CBX5: variants seen among roughly 807,000 people sequenced by gnomAD.
CBX5 encodes the protein chromobox 5.
In CBX5, 7 loss-of-function variants were observed where a neutral mutation model predicts 20.7. That is an observed-to-expected ratio of 0.34 (90% CI 0.19 to 0.63). The LOEUF is 0.63. CBX5 is among the 30% of genes least tolerant of loss of function. The pLI is 0.75. For synonymous variants in CBX5, 78 were observed against 77.0 expected (o/e 1.01, Z -0.07); for missense variants, 110 against 224.1 (o/e 0.49, Z 3.25).
intron 1 of CBX5, chr12:54,276,585 C>T (rs1944070375): frequency 6.6e-6 from 1 of 152,160 alleles, no homozygotes; most frequent in Non-Finnish European, 1.5e-5. Context: ...GTGGCTGGGG[C>T]TGGAGATGGA....
rs993610409 is a variant in CBX5 at position 54,246,264 on chromosome 12, A to C, written c.325-49T>G. On this transcript the variant is annotated intron_variant, in intron 3 of 4. Coordinates refer to ENST00000209875, the MANE Select transcript of CBX5 (RefSeq NM_012117.3). Reference sequence around the variant, plus strand: ...GTTACAGCTTGTGGAAAGAGTAAAGAAACTCCCTGCTTCTAGGCTCAACAA... The same window carrying C: ...GTTACAGCTTGTGGAAAGAGTAAAGCAACTCCCTGCTTCTAGGCTCAACAA... The C allele has an allele frequency of 1.2e-5, 16 of 1,343,104 alleles. No individual in the cohort carries two copies. In the African/African-American group the frequency reaches 2.3e-4, roughly 19 times the overall value. The allele number at this position is 1,343,104 out of a possible 1,614,324, so 83.2% of individuals were successfully genotyped here. A position where few individuals can be genotyped will look rare whatever the true frequency, so the allele number is the denominator to read the frequency against.
chr12:54,276,501 A>G (rs1944069597), intron 1 of CBX5: 1 of 152,266 alleles, frequency 6.6e-6, no homozygotes, highest in East Asian at 1.9e-4. Flanking sequence ...ACTGAATGCA[A>G]ATTGCTTTCC....
At position 54,239,286 on chromosome 12, in the gene CBX5, A is replaced by G. The variant is rs1030587846; in HGVS notation, c.*2469T>C. Reference sequence around the variant, plus strand: ...CTTAAATATTACCTATAACCACAGCAGCCACATGCCCCAGGTTTCTCAGAA... The same window carrying G: ...CTTAAATATTACCTATAACCACAGCGGCCACATGCCCCAGGTTTCTCAGAA... On this transcript the variant is annotated 3_prime_UTR_variant, in exon 5 of 5. Coordinates refer to ENST00000209875, the MANE Select transcript of CBX5 (RefSeq NM_012117.3). 1.3e-5 allele frequency: 2 copies of G among 152,246 alleles called. No homozygotes were observed. The highest frequency in any genetic ancestry group is 2.9e-5 in the Non-Finnish European group (2 of 68,044). 9.4% of individuals were successfully genotyped at this position (152,246 alleles called of 1,614,324 possible).
rs1253954706 is a variant in CBX5, at chr12:54,239,362, T to G, written c.*2393A>C. The stretch of plus-strand genomic sequence containing the variant: ...TGTTCTTTGTCCACATACTAGGTTT[T>G]TGGTTTTAAAAATAAGGTCGCTGCA... On this transcript the variant is annotated 3_prime_UTR_variant, in exon 5 of 5. Coordinates refer to ENST00000209875, the MANE Select transcript of CBX5 (RefSeq NM_012117.3). The G allele has an allele frequency of 6.6e-6, 1 of 152,186 alleles. No homozygotes were observed. Among genetic ancestry groups the G allele is most frequent in the Non-Finnish European group, 1.5e-5 (1 of 68,038 alleles). 9.4% of individuals were successfully genotyped at this position (152,186 alleles called of 1,614,324 possible).
At chr12:54,279,399 A>C (rs1206216959) in intron 1 of CBX5, among the ~76,000 whole-genome samples, 4 of 152,174 alleles carry the variant, frequency 2.6e-5, no homozygotes, top group Admixed American at 2.6e-4. Context: ...TTACGCTTTC[A>C]AGGAGGTGTA....
chr12:54,242,848 G>A (rs1943692457), intron 4 of CBX5, among the ~76,000 whole-genome samples: 1 of 152,156 alleles, frequency 6.6e-6, no homozygotes, highest in Non-Finnish European at 1.5e-5. Context: ...GAGAAGCTCA[G>A]GTGCAGCAGC....
At chr12:54,248,499 C>G (rs537165979) in intron 3 of CBX5, among the ~76,000 whole-genome samples, 18 of 152,094 alleles carry the variant, frequency 1.2e-4, no homozygotes, top group Non-Finnish European at 1.8e-4. Context: ...CCAAAGATAC[C>G]AAAATTCACA....
chr12:54,260,431 T>C (rs1943905242), intron 1 of CBX5, among the ~76,000 whole-genome samples: 1 of 151,942 alleles, frequency 6.6e-6, no homozygotes, highest in South Asian at 2.1e-4. Context: ...GAGGCAGAGG[T>C]TGCAGTGAGC....
chr12:54,235,878 C>CAATAA lies in CBX5; in HGVS notation c.*5876_*5877insTTATT. On this transcript the variant is annotated 3_prime_UTR_variant, in exon 5 of 5. Coordinates refer to ENST00000209875, the MANE Select transcript of CBX5 (RefSeq NM_012117.3). ...TAGAACCCACAATAATGTAACACAA[C>CAATAA]TGAATCTGCAACATAGTTAATGCTT... 6.6e-6 allele frequency: 1 copy of CAATAA among 152,320 alleles called. No homozygotes were observed. The highest frequency in any genetic ancestry group is 1.9e-4 in the East Asian group (1 of 5,188). 9.4% of individuals were successfully genotyped at this position (152,320 alleles called of 1,614,324 possible). A position where few individuals can be genotyped will look rare whatever the true frequency, so the allele number is the denominator to read the frequency against.
In CBX5 at chr12:54,234,463, G is replaced by T. The variant is rs1312391368; in HGVS notation, c.*7292C>A. The T allele has an allele frequency of 1.3e-5, 2 of 152,214 alleles. No individual in the cohort carries two copies. The highest frequency in any genetic ancestry group is 4.1e-4 in the South Asian group (2 of 4,822). The allele number at this position is 152,214 out of a possible 1,614,324, so 9.4% of individuals were successfully genotyped here. ...AGGGTCACACCTGCCAATGCCAGGG[G>T]ACATCACAAAAAAATAGAGAATGCC... On this transcript the variant is annotated 3_prime_UTR_variant, in exon 5 of 5. Coordinates refer to ENST00000209875, the MANE Select transcript of CBX5 (RefSeq NM_012117.3).
intron 4 of CBX5, 65 bp downstream of exon 4, chr12:54,246,050 T>A: frequency 9.2e-7 from 1 of 1,083,322 alleles, no homozygotes; most frequent in Non-Finnish European, 1.4e-6. Context: ...CCACCCTATC[T>A]TCCACACAAA....
chr12:54,270,672 T>C (rs958814675), intron 1 of CBX5, among the ~76,000 whole-genome samples: 1 of 152,190 alleles, frequency 6.6e-6, no homozygotes, highest in African/African-American at 2.4e-5. Context: ...TACTTAGAAG[T>C]GTGTTGTGTA....
intron 1 of CBX5, chr12:54,278,552 G>A (rs1490875101): frequency 6.6e-6 from 1 of 152,198 alleles, no homozygotes; most frequent in Non-Finnish European, 1.5e-5. Context: ...TTGATTTTCA[G>A]TATTTAAATA....
At chr12:54,256,415 C>T (rs772830204) in intron 2 of CBX5, among the ~76,000 whole-genome samples, 1 of 152,174 alleles carries the variant, frequency 6.6e-6, no homozygotes, top group Non-Finnish European at 1.5e-5. Context: ...GCCAATAATT[C>T]TCCAGATGAG....
At chr12:54,278,613 A>G (rs1297637044) in intron 1 of CBX5, 1 of 152,272 alleles carries the variant, frequency 6.6e-6, no homozygotes, top group Non-Finnish European at 1.5e-5. Context: ...AGACTCTGAT[A>G]CAGCCAATGT....
intron 2 of CBX5, chr12:54,255,558 C>CAAAAAAAAAA: frequency 1.1e-5 from 1 of 88,712 alleles, no homozygotes; most frequent in Non-Finnish European, 2.3e-5. Flanking sequence ...GACTCTGTCT[C>CAAAAAAAAAA]AAAAAAAAAA....
chr12:54,265,995 G>T (rs892370481), intron 1 of CBX5, among the ~76,000 whole-genome samples: 1 of 149,542 alleles, frequency 6.7e-6, no homozygotes, highest in Non-Finnish European at 1.5e-5. Context: ...TGCAGTGAGC[G>T]GAGATGGTGC....
intron 2 of CBX5, among the ~76,000 whole-genome samples, chr12:54,253,973 A>T (rs543153644): frequency 6.6e-6 from 1 of 151,920 alleles, no homozygotes; most frequent in Non-Finnish European, 1.5e-5. Flanking sequence ...CTGGTCTCGA[A>T]CTCCTGACCT....
intron 2 of CBX5, among the ~76,000 whole-genome samples, chr12:54,256,721 G>T (rs1943865859): frequency 6.6e-6 from 1 of 152,110 alleles, no homozygotes; most frequent in African/African-American, 2.4e-5. Flanking sequence ...CGCTGAAATA[G>T]TATTTTTCAC....
Sources: allele counts gnomAD v4.1 joint callset (sites outside exome capture counted in the v4.1 genomes callset), GRCh38; gene constraint gnomAD v4.1.1; transcripts MANE v1.5; gene names NCBI Gene and HGNC (gene_info 2026-07-23, HGNC 2026-07-21).